SPIRE2: variants seen among roughly 807,000 people sequenced by gnomAD.
SPIRE2 encodes the protein spire type actin nucleation factor 2, also known as protein spire homolog 2.
Under a neutral mutation model 80.7 loss-of-function variants are expected in SPIRE2, and 76 were observed. That is an observed-to-expected ratio of 0.94 (90% confidence interval 0.78 to 1.14). SPIRE2 has a LOEUF of 1.14. SPIRE2 is among the 50% of genes most tolerant of loss of function. The probability of loss-of-function intolerance (pLI) is 0.00; values close to 1 mark genes in which losing one functional copy is unlikely to be tolerated. For synonymous variants in SPIRE2, 535 were observed against 432.6 expected (o/e 1.24, Z -2.94); for missense variants, 1,196 against 1,015.3 (o/e 1.18, Z -2.42).
chr16:89,839,131 G>T (rs938725708), intron 1 of SPIRE2, among the ~76,000 whole-genome samples: 28 of 152,082 alleles, frequency 1.8e-4, no homozygotes, highest in African/African-American at 6.5e-4. Flanking sequence ...CACGAGGTCA[G>T]GAGATCGAGA....
intron 5 of SPIRE2, 98 bp from the exon 6 acceptor site, chr16:89,855,502 G>A (rs549528224): frequency 6.1e-5 from 65 of 1,073,046 alleles, no homozygotes; most frequent in African/African-American, 3.6e-4. Flanking sequence ...GGGTAGGTGC[G>A]AAGACCAGGC....
At chr16:89,857,460 C>T (rs1056511600) in intron 7 of SPIRE2, among the ~76,000 whole-genome samples, 4 of 152,008 alleles carry the variant, frequency 2.6e-5, no homozygotes, top group Non-Finnish European at 5.9e-5. Context: ...ACCCTATTGT[C>T]CTGGTCTTCA....
chr16:89,840,097 C>T (rs998184622), intron 1 of SPIRE2, among the ~76,000 whole-genome samples: 14 of 152,130 alleles, frequency 9.2e-5, no homozygotes, highest in South Asian at 4.1e-4. Context: ...CTGACGCTCC[C>T]AAGCAGATGG....
intron 1 of SPIRE2, among the ~76,000 whole-genome samples, chr16:89,838,019 T>G (rs895616091): frequency 1.3e-5 from 2 of 151,760 alleles, no homozygotes; most frequent in African/African-American, 2.4e-5. Flanking sequence ...TTTGTTTTTA[T>G]TTTTTTTTCT....
At chr16:89,841,939 G>C (rs879714912) in intron 1 of SPIRE2, among the ~76,000 whole-genome samples, 1 of 151,890 alleles carries the variant, frequency 6.6e-6, no homozygotes, top group Admixed American at 6.6e-5. Context: ...TGTTGGTCAG[G>C]CTGGTCTCCA....
chr16:89,855,725 G>T (rs774762926), intron 6 of SPIRE2, 39 bp downstream of exon 6: 15 of 1,594,578 alleles, frequency 9.4e-6, no homozygotes, highest in Admixed American at 8.4e-5. Flanking sequence ...GGCCGCCCGG[G>T]GCCTGGTGCT....
Position 89,859,179 on chromosome 16 carries a change from G to C in SPIRE2, c.1287G>C (p.Pro429=). The C allele has an allele frequency of 2.5e-6, 4 of 1,586,672 alleles. No homozygotes were observed. Among genetic ancestry groups the C allele is most frequent in the Non-Finnish European group, 2.6e-6 (3 of 1,164,510 alleles). The part of the protein sequence containing the change: ...EMNTSEEEES[P]CGEVTLKRDR... Reference sequence around the variant, plus strand: ...TGTGTCCACAGGAAGAAGAGTCTCCGTGTGGGGAGGTGACGCTGAAACGGG... The same window carrying C: ...TGTGTCCACAGGAAGAAGAGTCTCCCTGTGGGGAGGTGACGCTGAAACGGG... Residue 429 remains proline, a synonymous_variant, in exon 9 of 15, where the codon CCG becomes CCC. Transcript: ENST00000378247.
chr16:89,845,663 C>A lies in SPIRE2; in HGVS notation c.288+298C>A, dbSNP rs534000008. 4 of 693,922 alleles carry A rather than the reference C, an allele frequency of 5.8e-6. No individual in the cohort carries two copies. The African/African-American group carries it at 7.0e-5, about 12-fold the overall frequency. The allele number at this position is 693,922 out of a possible 1,614,324, so 43.0% of individuals were successfully genotyped here. A position where few individuals can be genotyped will look rare whatever the true frequency, so the allele number is the denominator to read the frequency against. On this transcript the variant is annotated intron_variant, in intron 2 of 14. Transcript: ENST00000378247. ...GGGGCACAGCTGACGTCTGCAGGGCCGGCCTCCCAGACACAGAGCCGGGGT... is the reference window on the plus strand; with the variant it reads ...GGGGCACAGCTGACGTCTGCAGGGCAGGCCTCCCAGACACAGAGCCGGGGT...
chr16:89,843,147 G>C lies in SPIRE2; in HGVS notation c.245-2175G>C, dbSNP rs377454744. ...GGGTGGATGTTTTGCATCCCACCCA[G>C]CGCAGCATCTTGGGAACCCCGGGGG... is the stretch of plus-strand genomic sequence containing the variant. On this transcript the variant is annotated intron_variant, in intron 1 of 14. Coordinates refer to ENST00000378247, the MANE Select transcript of SPIRE2 (RefSeq NM_032451.2). 8.5e-5 allele frequency among the ~76,000 whole-genome samples: 13 copies of C among 152,326 alleles called. No homozygotes were observed. In the South Asian group the frequency reaches 1.7e-3, roughly 19 times the overall value.
chr16:89,854,105 T>G (rs554439066), intron 3 of SPIRE2, among the ~76,000 whole-genome samples, 181 bp from the exon 4 acceptor site: 20 of 152,386 alleles, frequency 1.3e-4, no homozygotes, highest in African/African-American at 4.8e-4. Context: ...CCTGTGGCGA[T>G]GGCTCGGTTT....
chr16:89,849,087 C>A (rs563299249), intron 2 of SPIRE2, among the ~76,000 whole-genome samples: 1 of 152,250 alleles, frequency 6.6e-6, no homozygotes, highest in Non-Finnish European at 1.5e-5. Context: ...TTGTTCTGCC[C>A]GGCTCAGGAT....
chr16:89,832,556 G>A (rs1457163035), intron 1 of SPIRE2, among the ~76,000 whole-genome samples: 1 of 152,050 alleles, frequency 6.6e-6, no homozygotes, highest in Non-Finnish European at 1.5e-5. Flanking sequence ...GCTTCTGTTA[G>A]CAGCTTCCTG....
intron 12 of SPIRE2, 144 bp from the exon 13 acceptor site, chr16:89,868,045 A>T: frequency 1.1e-6 from 1 of 885,644 alleles, no homozygotes. Context: ...TTTTGGAGTA[A>T]AATAAAGTAC....
intron 5 of SPIRE2, among the ~76,000 whole-genome samples, chr16:89,855,025 A>G (rs183761261): frequency 2.0e-5 from 3 of 151,604 alleles, no homozygotes; most frequent in East Asian, 1.9e-4. Context: ...TGCAAGCTCC[A>G]CCTCCTGGGT....
rs765764503 is a variant in SPIRE2 at position 89,860,767 on chromosome 16, T to C, written c.1547T>C (p.Met516Thr). 66 of 1,554,200 alleles carry C rather than the reference T, an allele frequency of 4.2e-5. No individual in the cohort carries two copies. Among genetic ancestry groups the C allele is most frequent in the Non-Finnish European group, 5.6e-5 (64 of 1,151,528 alleles). ...GSSGDRPEAS[M>T]TPDAKHLWLE... ...TCGGGGGACAGACCCGAGGCCTCCA[T>C]GACCCCCGATGCCAAACACCTGTGG... Residue 516 changes from methionine (M) to threonine (T), a missense_variant, in exon 10 of 15, where the codon ATG (methionine) becomes ACG (threonine). Transcript: ENST00000378247.
chr16:89,858,089 G>T (rs1293277766), intron 7 of SPIRE2, among the ~76,000 whole-genome samples: 1 of 150,924 alleles, frequency 6.6e-6, no homozygotes, highest in Non-Finnish European at 1.5e-5. Flanking sequence ...GTTTCACCAT[G>T]TTAGCCAGGA....
chr16:89,863,502 G>T lies in SPIRE2; in HGVS notation c.1602G>T (p.Leu534=). 6.2e-7 allele frequency: 1 copy of T among 1,614,078 alleles called. No homozygotes were observed. The highest frequency in any genetic ancestry group is 2.2e-5 in the East Asian group (1 of 44,886). The part of the protein sequence containing the change: ...WLEFSHPVES[L]ALTVEEVMDV... ...AGTTCAGCCACCCCGTGGAGAGCCT[G>T]GCGCTGACTGTGGAAGAGGTGATGG... The change falls in exon 11 of 15, where the codon CTG becomes CTT. Residue 534 remains leucine, a synonymous_variant. Transcript: ENST00000378247. This position sits in a 1 kb window ranked among gnomAD's most constrained non-coding sequence, Gnocchi z 4.3.
rs764517529 is a variant in SPIRE2, at chr16:89,854,338, A to C, written c.698A>C (p.Glu233Ala). 24 of 1,612,482 alleles carry C rather than the reference A, an allele frequency of 1.5e-5. No homozygotes were observed. Among genetic ancestry groups the C allele is most frequent in the Admixed American group, 5.0e-5 (3 of 59,960 alleles). The change falls in exon 4 of 15, where the codon GAG (glutamate) becomes GCG (alanine). Residue 233 changes from glutamate to alanine, a missense_variant. Coordinates refer to ENST00000378247, the MANE Select transcript of SPIRE2 (RefSeq NM_032451.2). The stretch of plus-strand genomic sequence containing the variant: ...CCGCATCTGGAGACGCCTCGGGCAG[A>C]GCTGGACAGCCTGGGTCACACAGAC... The part of the protein sequence containing the change: ...DEPHLETPRA[E>A]LDSLGHTDWA...
chr16:89,836,234 AG>A (rs1297045452), intron 1 of SPIRE2: 2 of 455,932 alleles, frequency 4.4e-6, no homozygotes, highest in East Asian at 6.9e-5. Flanking sequence ...TCAGAAACCC[AG>A]GATGATCCAC....
Sources: allele counts gnomAD v4.1 joint callset (sites outside exome capture counted in the v4.1 genomes callset), GRCh38; gene constraint gnomAD v4.1.1; non-coding constraint Gnocchi (gnomAD v3.1); transcripts MANE v1.5; gene names NCBI Gene and HGNC (gene_info 2026-07-23, HGNC 2026-07-21).